Variants in BRD2 observed in about 807,000 individuals in gnomAD.
BRD2 encodes the protein bromodomain containing 2.
BRD2 carries 15 observed loss-of-function variants against 79.1 expected under a neutral mutation model. The ratio of observed to expected loss-of-function variants is 0.19; its 90% CI spans 0.13 to 0.29. BRD2 has a LOEUF of 0.29. BRD2 is among the 10% of genes least tolerant of loss of function. BRD2 has a pLI of 1.00. For missense variants in BRD2, 1,053 were observed against 991.3 expected (o/e 1.06, Z -0.84); for synonymous variants, 488 against 358.6 (o/e 1.36, Z -4.08).
At position 32,971,971 on chromosome 6, in the gene BRD2, G is replaced by T; in HGVS notation, c.-928G>T. 2.8e-6 allele frequency: 2 copies of T among 702,908 alleles called. No individual in the cohort carries two copies. Among genetic ancestry groups the T allele is most frequent in the South Asian group, 3.0e-5 (2 of 67,520 alleles). 43.5% of individuals were successfully genotyped at this position (702,908 alleles called of 1,614,324 possible). On this transcript the variant is annotated 5_prime_UTR_variant, in exon 2 of 13. An upstream open reading frame in the 5' UTR loses its in-frame stop. Coordinates refer to ENST00000374825, the MANE Select transcript of BRD2 (RefSeq NM_005104.4). ...TCTCTGCGGCACTCTTCTGCCTGGT[G>T]ACTGACACCTTGGAAATGAAGTTTA...
chr6:32,972,830 G>T lies in BRD2; in HGVS notation c.-69G>T, dbSNP rs1013918914. On this transcript the variant is annotated 5_prime_UTR_variant, in exon 2 of 13. Transcript: ENST00000374825. ...AACTTAGCGGGTTATGCTGGACCGGGCGGTGAGGGGAACCGAGGCCACCCG... is the reference window on the plus strand; with the variant it reads ...AACTTAGCGGGTTATGCTGGACCGGTCGGTGAGGGGAACCGAGGCCACCCG... The T allele has an allele frequency of 3.7e-5, 59 of 1,610,952 alleles. No individual in the cohort carries two copies. Among genetic ancestry groups the T allele is most frequent in the Non-Finnish European group, 4.8e-5 (57 of 1,178,586 alleles).
rs1448510588 is a variant in BRD2, at chr6:32,978,293, TCAA to T, written c.1748_1750del (p.Gln583del). The stretch of plus-strand genomic sequence containing the variant: ...AGGGGCCTAGGGCACCCCGCCCACC[TCAA>T]CCTAAGAAGTCCAAGAAAGCAAGTG... On this transcript the variant is annotated inframe_deletion, in exon 10 of 13. Coordinates refer to ENST00000374825, the MANE Select transcript of BRD2 (RefSeq NM_005104.4). 6.2e-7 allele frequency: 1 copy of T among 1,613,040 alleles called. No homozygotes were observed. Among genetic ancestry groups the T allele is most frequent in the Admixed American group, 1.7e-5 (1 of 60,026 alleles).
chr6:32,974,925 G>A, intron 3 of BRD2, 160 bp downstream of exon 3: 2 of 1,400,078 alleles, frequency 1.4e-6, no homozygotes, highest in Non-Finnish European at 1.9e-6. Flanking sequence ...GGTCCTTTGT[G>A]ATTGATCCGA....
At chr6:32,977,135 T>C (rs1324078842) in intron 7 of BRD2, 199 bp downstream of exon 7, 2 of 1,265,842 alleles carry the variant, frequency 1.6e-6, no homozygotes, top group Non-Finnish European at 2.1e-6. Flanking sequence ...GGGGTTTCTT[T>C]GTCTTGAGAA....
In BRD2 at chr6:32,977,836, C is replaced by A. The variant is rs753083818; in HGVS notation, c.1409C>A (p.Pro470His). ...CCTTTACCAGTCTCTACTGCCATGCCCCCTGGCTTGGCCAAATCGTCTTCA... is the reference window on the plus strand; with the variant it reads ...CCTTTACCAGTCTCTACTGCCATGCACCCTGGCTTGGCCAAATCGTCTTCA... The part of the protein sequence containing the change: ...PGPLPVSTAM[P>H]PGLAKSSSES... Residue 470 changes from proline (P) to histidine (H), a missense_variant, in exon 9 of 13, where the codon CCC becomes CAC. By Grantham distance (77) the Pro-to-His change is moderately conservative. Around this residue, in one of 5 missense-constraint regions of BRD2, gnomAD observed 454 missense variants for 430.5 expected, o/e 1.05. Transcript: ENST00000374825. 2 of 1,613,066 alleles carry A rather than the reference C, an allele frequency of 1.2e-6. No homozygotes were observed. The highest frequency in any genetic ancestry group is 1.1e-5 in the South Asian group (1 of 91,084).
chr6:32,977,071 A>G, intron 7 of BRD2, 135 bp downstream of exon 7: 1 of 1,292,278 alleles, frequency 7.7e-7, no homozygotes, highest in Non-Finnish European at 1.0e-6. Flanking sequence ...ATAGTGGAAC[A>G]GAAGGTCTGG....
In BRD2 at chr6:32,972,256, A is replaced by G. The variant is rs1434162473; in HGVS notation, c.-643A>G. ...ACGAGCTGGAGGATTCTGCCTACCGATACAGAGCCTTCGAGTCGTCCGGGG... is the reference window on the plus strand; with the variant it reads ...ACGAGCTGGAGGATTCTGCCTACCGGTACAGAGCCTTCGAGTCGTCCGGGG... On this transcript the variant is annotated 5_prime_UTR_variant, in exon 2 of 13. Transcript: ENST00000374825. 4 of 457,346 alleles carry G rather than the reference A, an allele frequency of 8.7e-6. No homozygotes were observed. The highest frequency in any genetic ancestry group is 1.6e-5 in the Non-Finnish European group (4 of 245,822). 28.3% of individuals were successfully genotyped at this position (457,346 alleles called of 1,614,324 possible). A position where few individuals can be genotyped will look rare whatever the true frequency, so the allele number is the denominator to read the frequency against.
chr6:32,969,091 T>C (rs1777714609), intron 1 of BRD2, 35 bp downstream of exon 1: 6 of 496,502 alleles, frequency 1.2e-5, no homozygotes, highest in Non-Finnish European at 2.2e-5. Flanking sequence ...GAGATGTCAG[T>C]CAAGTGCTTA....
rs918273997 is a variant in BRD2 at position 32,972,225 on chromosome 6, T to A, written c.-674T>A. 1 of 507,026 alleles carries A rather than the reference T, an allele frequency of 2.0e-6. No individual in the cohort carries two copies. The highest frequency in any genetic ancestry group is 2.0e-5 in the South Asian group (1 of 50,530). 31.4% of individuals were successfully genotyped at this position (507,026 alleles called of 1,614,324 possible). Reference sequence around the variant, plus strand: ...CATTTCGTGCTGGAGTGGAGCAGCCTCTAGAACGAGCTGGAGGATTCTGCC... The same window carrying A: ...CATTTCGTGCTGGAGTGGAGCAGCCACTAGAACGAGCTGGAGGATTCTGCC... On this transcript the variant is annotated 5_prime_UTR_variant, in exon 2 of 13. Coordinates refer to ENST00000374825, the MANE Select transcript of BRD2 (RefSeq NM_005104.4).
At chr6:32,974,972 C>A in intron 3 of BRD2, 1 of 1,467,202 alleles carries the variant, frequency 6.8e-7, no homozygotes, top group Non-Finnish European at 9.2e-7. Flanking sequence ...TTTCCTTGTG[C>A]CCTCCATGTG....
rs778675391 is a variant in BRD2, at chr6:32,980,376, A to T, written c.2181A>T (p.Glu727Asp). The change falls in exon 12 of 13, where the codon GAA becomes GAT. Residue 727 changes from glutamate to aspartate, a missense_variant. Transcript: ENST00000374825. ...IKKPVGKTKE[E>D]LALEKKRELE... ...AGCCTGTGGGAAAGACAAAGGAGGA[A>T]CTGGCTTTGGAGAAAAAGCGGGAAT... The T allele has an allele frequency of 4.0e-5, 65 of 1,612,974 alleles. No homozygotes were observed. In the East Asian group the frequency reaches 1.3e-3, roughly 32 times the overall value.
intron 12 of BRD2, 40 bp from the exon 13 acceptor site, chr6:32,980,542 T>A: frequency 1.7e-5 from 28 of 1,612,616 alleles, no homozygotes; most frequent in Non-Finnish European, 2.4e-5. Context: ...AAATGAAGAT[T>A]CAGACTTGAA....
In BRD2 at chr6:32,972,584, A is replaced by G. The variant is rs552723485; in HGVS notation, c.-315A>G. On this transcript the variant is annotated 5_prime_UTR_variant, in exon 2 of 13. Coordinates refer to ENST00000374825, the MANE Select transcript of BRD2 (RefSeq NM_005104.4). ...AATCCCTGCAGACCAACAGCGGGCT[A>G]TATTGACGACGGTGTCTGAGATCGG... 9 of 510,868 alleles carry G rather than the reference A, an allele frequency of 1.8e-5. No homozygotes were observed. The highest frequency in any genetic ancestry group is 1.8e-4 in the East Asian group (5 of 28,394). The allele number at this position is 510,868 out of a possible 1,614,324, so 31.6% of individuals were successfully genotyped here.
intron 7 of BRD2, 157 bp from the exon 8 acceptor site, chr6:32,977,285 A>C (rs1778893089): frequency 6.3e-7 from 1 of 1,585,734 alleles, no homozygotes; most frequent in South Asian, 1.1e-5. Context: ...CAACCCACCC[A>C]AATTCCTTTG....
Position 32,976,883 on chromosome 6 carries a change from C to G in BRD2, c.1147C>G (p.Leu383Val). Residue 383 changes from leucine to valine, a missense_variant, in exon 7 of 13, where the codon CTG (leucine) becomes GTG (valine). By Grantham distance (32) the Leu-to-Val change is conservative. Transcript: ENST00000374825. ...ACCAGTGGATGCTTCTGCACTTGGC[C>G]TGCATGACTACCATGACATCATTAA... ...YKPVDASALGLHDYHDIIKHP... is the reference protein window; with the variant it reads ...YKPVDASALGVHDYHDIIKHP... 1 of 1,613,082 alleles carries G rather than the reference C, an allele frequency of 6.2e-7. No individual in the cohort carries two copies. Among genetic ancestry groups the G allele is most frequent in the Non-Finnish European group, 8.5e-7 (1 of 1,180,002 alleles).
Position 32,969,008 on chromosome 6 carries a change from C to T in BRD2, c.-1353C>T, listed in dbSNP as rs1299454015. On this transcript the variant is annotated 5_prime_UTR_variant, in exon 1 of 13. Transcript: ENST00000374825. The stretch of plus-strand genomic sequence containing the variant: ...GACACCCCGGATTACATACCCCGTA[C>T]CAAGCCGAGGGCAACTTTGGAGGCC... The T allele has an allele frequency of 6.5e-6, 2 of 308,940 alleles. No homozygotes were observed. The highest frequency in any genetic ancestry group is 1.2e-5 in the Non-Finnish European group (2 of 164,122). The allele number at this position is 308,940 out of a possible 1,614,324, so 19.1% of individuals were successfully genotyped here.
Position 32,977,897 on chromosome 6 carries a change from C to T in BRD2, c.1470C>T (p.Ser490=), listed in dbSNP as rs1422906752. 3 of 1,612,840 alleles carry T rather than the reference C, an allele frequency of 1.9e-6. No homozygotes were observed. The highest frequency in any genetic ancestry group is 1.1e-5 in the South Asian group (1 of 91,078). ...SSSEESSSES[S]SEEEEEEDEE... is the part of the protein sequence containing the mutation. ...GTGAGGAAAGTAGCAGTGAGAGCTC[C>T]TCTGAGGAAGAGGAGGAGGAAGATG... The change falls in exon 9 of 13, where the codon TCC becomes TCT. Residue 490 remains serine (S), a synonymous_variant. Transcript: ENST00000374825.
chr6:32,971,138 C>G (rs1582877617), intron 1 of BRD2: 2 of 154,676 alleles, frequency 1.3e-5, no homozygotes, highest in Admixed American at 6.5e-5. Context: ...TTAAGTCATC[C>G]CTCCCAGGAC....
rs775793783 is a variant in BRD2, at chr6:32,977,659, C to T, written c.1329+89C>T. ...GCATAGCCTCAACGTGAGGGTCTCA[C>T]TGTTCTGTACAGTTGTAAATTGGAG... is the stretch of plus-strand genomic sequence containing the variant. On this transcript the variant is annotated intron_variant, in intron 8 of 12. Transcript: ENST00000374825. 6 of 1,600,382 alleles carry T rather than the reference C, an allele frequency of 3.7e-6. No homozygotes were observed. In the Admixed American group the frequency reaches 5.0e-5, roughly 13 times the overall value.
Sources: allele counts gnomAD v4.1 joint callset, GRCh38; gene constraint gnomAD v4.1.1; regional missense constraint gnomAD v4.1.1; transcripts MANE v1.5; gene names NCBI Gene and HGNC (gene_info 2026-07-23, HGNC 2026-07-21).